The following TLL1 variants were observed in gnomAD, a reference collection of about 807,000 sequenced individuals.
TLL1 encodes tolloid-like protein 1.
TLL1 carries 49 observed loss-of-function variants against 128.2 expected under a neutral mutation model. That is an observed-to-expected ratio of 0.38 (90% CI 0.30 to 0.48). The LOEUF is 0.48. TLL1 is among the 20% of genes least tolerant of loss of function. TLL1 has a pLI of 0.96. For synonymous variants in TLL1, 454 were observed against 418.8 expected (o/e 1.08, Z -1.03); for missense variants, 1,123 against 1,242.0 (o/e 0.90, Z 1.44).
intron 19 of TLL1, among the ~76,000 whole-genome samples, chr4:166,098,163 G>C (rs752831665): frequency 6.6e-6 from 1 of 151,808 alleles, no homozygotes. Flanking sequence ...ATGAAACCCT[G>C]TCTCTACTAA....
chr4:166,093,842 A>AT (rs1269063647), intron 19 of TLL1, among the ~76,000 whole-genome samples: 1 of 152,160 alleles, frequency 6.6e-6, no homozygotes, highest in Admixed American at 6.5e-5. Flanking sequence ...GCTTGTAAAC[A>AT]TTTTGTTAAC....
At chr4:165,901,526 G>A (rs999066761) in intron 1 of TLL1, among the ~76,000 whole-genome samples, 1 of 152,178 alleles carries the variant, frequency 6.6e-6, no homozygotes, top group Non-Finnish European at 1.5e-5. Flanking sequence ...GCTAGATTTT[G>A]CTGGAGGTCC....
chr4:165,978,129 A>G (rs990231549), intron 1 of TLL1, among the ~76,000 whole-genome samples: 3 of 152,268 alleles, frequency 2.0e-5, no homozygotes, highest in East Asian at 3.9e-4. Flanking sequence ...GCTTTCTGGT[A>G]TTACAATAGC....
At chr4:166,044,560 G>T in intron 12 of TLL1, 2 of 807,070 alleles carry the variant, frequency 2.5e-6, no homozygotes, top group Non-Finnish European at 3.7e-6. Context: ...TGTATTTTAT[G>T]CTCCAGACCA....
rs988845872 is a variant in TLL1, at chr4:165,942,147, G to T, written c.170-47234G>T. On this transcript the variant is annotated intron_variant, in intron 1 of 20. Coordinates refer to ENST00000061240, the MANE Select transcript of TLL1 (RefSeq NM_012464.5). ...TTTGCTGATATATTTTTATTTTTTGGCCATTTCTCTCCACAAACATTATGC... is the reference window on the plus strand; with the variant it reads ...TTTGCTGATATATTTTTATTTTTTGTCCATTTCTCTCCACAAACATTATGC... Among the ~76,000 whole-genome samples, 3 of 151,784 alleles carry T rather than the reference G, an allele frequency of 2.0e-5. 1 individual carries two copies. The South Asian group carries it at 6.2e-4, about 31-fold the overall frequency.
At chr4:166,058,390 T>G (rs1740130155) in intron 14 of TLL1, among the ~76,000 whole-genome samples, 1 of 152,220 alleles carries the variant, frequency 6.6e-6, no homozygotes, top group African/African-American at 2.4e-5. Flanking sequence ...ATCTCTAATA[T>G]CTAGCACAGT....
chr4:166,065,724 C>T lies in TLL1; in HGVS notation c.2049C>T (p.Ser683=). The change falls in exon 16 of 21, where the codon TCC becomes TCT. Residue 683 remains serine, a synonymous_variant. Transcript: ENST00000061240. ...YDYVEIWSGL[S]SESKLHGKFC... Reference sequence around the variant, plus strand: ...ATGTGGAGATCTGGAGTGGTCTTTCCTCTGAGTCTAAACTGCATGGCAAAT... The same window carrying T: ...ATGTGGAGATCTGGAGTGGTCTTTCTTCTGAGTCTAAACTGCATGGCAAAT... 1 of 1,610,236 alleles carries T rather than the reference C, an allele frequency of 6.2e-7. No homozygotes were observed. The highest frequency in any genetic ancestry group is 8.5e-7 in the Non-Finnish European group (1 of 1,178,294).
At chr4:166,098,638 T>C (rs1742138567) in intron 19 of TLL1, among the ~76,000 whole-genome samples, 1 of 151,814 alleles carries the variant, frequency 6.6e-6, no homozygotes, top group Non-Finnish European at 1.5e-5. Flanking sequence ...TAATGATATA[T>C]GTAGGTTTTT....
chr4:165,935,442 T>A (rs1733719896), intron 1 of TLL1, among the ~76,000 whole-genome samples: 1 of 152,200 alleles, frequency 6.6e-6, no homozygotes, highest in South Asian at 2.1e-4. Context: ...TGATCTATGC[T>A]TAACCTTTTT....
intron 9 of TLL1, among the ~76,000 whole-genome samples, chr4:166,027,131 T>C (rs1738537105): frequency 1.3e-5 from 2 of 152,080 alleles, no homozygotes; most frequent in South Asian, 4.1e-4. Flanking sequence ...AGTGAATCAA[T>C]GCAGGGACAG....
intron 8 of TLL1, among the ~76,000 whole-genome samples, chr4:166,016,561 G>A (rs145637726): frequency 1.3e-5 from 2 of 151,978 alleles, no homozygotes; most frequent in Non-Finnish European, 2.9e-5. Context: ...TAGAAGTATA[G>A]TTTCTACTTT....
At chr4:165,970,874 C>A (rs937016380) in intron 1 of TLL1, among the ~76,000 whole-genome samples, 3 of 152,166 alleles carry the variant, frequency 2.0e-5, no homozygotes, top group African/African-American at 7.2e-5. Context: ...AGGTTTGACG[C>A]ATAGTCTGTC....
At chr4:166,077,584 C>T (rs1052581782) in intron 17 of TLL1, among the ~76,000 whole-genome samples, 6 of 152,090 alleles carry the variant, frequency 3.9e-5, no homozygotes, top group African/African-American at 7.2e-5. Context: ...TGGATATTCT[C>T]GACTGTCAAT....
At chr4:165,906,496 A>G (rs1008003989) in intron 1 of TLL1, among the ~76,000 whole-genome samples, 3 of 152,234 alleles carry the variant, frequency 2.0e-5, no homozygotes, top group Non-Finnish European at 2.9e-5. Context: ...GGCTTTTAAT[A>G]GCTTCTTGTA....
intron 12 of TLL1, among the ~76,000 whole-genome samples, chr4:166,048,483 T>C (rs1458495459): frequency 6.6e-6 from 1 of 152,202 alleles, no homozygotes; most frequent in Non-Finnish European, 1.5e-5. Flanking sequence ...AGTTATTGGA[T>C]ACATTATTTT....
chr4:165,940,597 A>G (rs1229232545), intron 1 of TLL1, among the ~76,000 whole-genome samples: 1 of 152,068 alleles, frequency 6.6e-6, no homozygotes, highest in Non-Finnish European at 1.5e-5. Flanking sequence ...TGAAAAGGAT[A>G]AATTTATTTC....
chr4:166,064,718 A>AGTTCCAATAT (rs1740493132), intron 15 of TLL1, among the ~76,000 whole-genome samples: 1 of 152,118 alleles, frequency 6.6e-6, no homozygotes, highest in South Asian at 2.1e-4. Flanking sequence ...TAGCCTCGGA[A>AGTTCCAATAT]ACAGTCTTTT....
chr4:166,080,285 G>A (rs903640291), intron 18 of TLL1, among the ~76,000 whole-genome samples: 1 of 151,972 alleles, frequency 6.6e-6, no homozygotes, highest in African/African-American at 2.4e-5. Context: ...ATAGGATTAG[G>A]GCTGCATCCC....
In TLL1 at chr4:166,091,260, G is replaced by A; in HGVS notation, c.2575G>A (p.Ala859Thr). The change falls in exon 19 of 21, where the codon GCT (alanine) becomes ACT (threonine). Residue 859 changes from alanine (A) to threonine (T), a missense_variant. By Grantham distance (58) the Ala-to-Thr change is moderately conservative. Transcript: ENST00000061240. ...CAACAAGATACCAGATCCCCTTGTG[G>A]CTACTGGAAATAAAATGTTTGTTCG... is the stretch of plus-strand genomic sequence containing the variant. ...CGNKIPDPLV[A>T]TGNKMFVRFV... is the part of the protein sequence containing the mutation. 6.2e-7 allele frequency: 1 copy of A among 1,613,138 alleles called. No individual in the cohort carries two copies. The highest frequency in any genetic ancestry group is 8.5e-7 in the Non-Finnish European group (1 of 1,179,458).
Sources: gnomAD v4.1 joint callset for allele counts (sites outside exome capture counted in the v4.1 genomes callset) on GRCh38, gnomAD v4.1.1 for gene constraint, MANE v1.5 for transcripts, NCBI Gene and HGNC (gene_info 2026-07-23, HGNC 2026-07-21) for gene names.